TMTC1: variants seen among roughly 807,000 people sequenced by gnomAD.
TMTC1 encodes transmembrane O-mannosyltransferase targeting cadherins 1.
TMTC1 carries 73 observed loss-of-function variants against 104.8 expected under a neutral mutation model. The observed-to-expected ratio is 0.70, with a 90% CI of 0.58 to 0.85. The LOEUF is 0.85. Among genes scored for constraint, TMTC1 ranks in the 40% least tolerant of loss-of-function variants. The probability of loss-of-function intolerance (pLI) is 0.00; values close to 1 mark genes in which losing one functional copy is unlikely to be tolerated. For missense variants in TMTC1, 1,035 were observed against 1,096.1 expected (o/e 0.94, Z 0.79); for synonymous variants, 434 against 428.7 (o/e 1.01, Z -0.15).
chr12:29,522,798 T>C (rs549290201), intron 11 of TMTC1, among the ~76,000 whole-genome samples: 2 of 152,342 alleles, frequency 1.3e-5, no homozygotes, highest in East Asian at 3.9e-4. Flanking sequence ...CTGTGTGACC[T>C]TTCTTACCCA....
chr12:29,531,071 C>A (rs192381779), intron 11 of TMTC1, among the ~76,000 whole-genome samples: 52 of 152,232 alleles, frequency 3.4e-4, no homozygotes, highest in African/African-American at 4.6e-4. Flanking sequence ...GGGGAGGGAG[C>A]TATAAATCTT....
At chr12:29,523,047 A>C (rs1944226749) in intron 11 of TMTC1, among the ~76,000 whole-genome samples, 1 of 152,208 alleles carries the variant, frequency 6.6e-6, no homozygotes, top group Non-Finnish European at 1.5e-5. Flanking sequence ...GCCCTGAATA[A>C]AAGCAGTATT....
At chr12:29,661,254 A>C (rs1940009253) in intron 5 of TMTC1, 4 of 603,500 alleles carry the variant, frequency 6.6e-6, no homozygotes, top group Non-Finnish European at 8.3e-6. Context: ...AGTCATTTTG[A>C]AAACAATACA....
intron 5 of TMTC1, among the ~76,000 whole-genome samples, chr12:29,727,790 G>GTTGTT (rs71752088): frequency 5.5e-5 from 6 of 108,248 alleles, no homozygotes; most frequent in East Asian, 2.7e-4. Context: ...GCAGTTTTTT[G>GTTGTT]TTTTGTTTTG....
chr12:29,631,175 T>C (rs367783693), intron 6 of TMTC1, among the ~76,000 whole-genome samples: 1 of 152,232 alleles, frequency 6.6e-6, no homozygotes, highest in East Asian at 1.9e-4. Flanking sequence ...ATTTATGTTT[T>C]ACAAATATTT....
intron 5 of TMTC1, among the ~76,000 whole-genome samples, chr12:29,710,583 A>G (rs1385657230): frequency 2.1e-5 from 3 of 143,458 alleles, no homozygotes; most frequent in Non-Finnish European, 4.5e-5. Flanking sequence ...ATGTATATAT[A>G]TTTATATTTA....
At chr12:29,571,725 T>C (rs1945684300) in intron 9 of TMTC1, among the ~76,000 whole-genome samples, 1 of 152,138 alleles carries the variant, frequency 6.6e-6, no homozygotes, top group Non-Finnish European at 1.5e-5. Context: ...GTTTCAGGCA[T>C]GGGATGTCTA....
rs573314425 is a variant in TMTC1 at position 29,672,962 on chromosome 12, C to T, written c.939-39626G>A. Among the ~76,000 whole-genome samples, 8 of 152,336 alleles carry T rather than the reference C, an allele frequency of 5.3e-5. 1 individual carries two copies. In the East Asian group the frequency reaches 1.5e-3, roughly 29 times the overall value. ...GAACAGCTGACTTTTCTGGCCCCCA[C>T]CCCTAATGCCCTTTCAATTTAAGAT... is the stretch of plus-strand genomic sequence containing the variant. On this transcript the variant is annotated intron_variant, in intron 5 of 17. Transcript: ENST00000539277.
intron 5 of TMTC1, among the ~76,000 whole-genome samples, chr12:29,649,628 A>G (rs1422866634): frequency 6.6e-6 from 1 of 152,252 alleles, no homozygotes; most frequent in Admixed American, 6.5e-5. Flanking sequence ...AGTTAACCAG[A>G]TATTTCACAG....
intron 10 of TMTC1, among the ~76,000 whole-genome samples, chr12:29,538,224 C>A (rs1450492087): frequency 6.6e-6 from 1 of 152,162 alleles, no homozygotes; most frequent in Admixed American, 6.5e-5. Flanking sequence ...TTAAAGAGTA[C>A]CCACAAGACT....
At chr12:29,733,221 G>A (rs1450434283) in intron 5 of TMTC1, among the ~76,000 whole-genome samples, 2 of 152,144 alleles carry the variant, frequency 1.3e-5, no homozygotes, top group Non-Finnish European at 2.9e-5. Flanking sequence ...TTGCCCATAA[G>A]GAAACTGAGG....
rs754594149 is a variant in TMTC1, at chr12:29,604,236, T to C, written c.1192A>G (p.Ser398Gly). Residue 398 changes from serine to glycine, a missense_variant, in exon 7 of 18, where the codon AGC (serine) becomes GGC (glycine). Ser to Gly is a moderately conservative substitution (Grantham distance 56, BLOSUM62 0). Transcript: ENST00000539277. Reference protein sequence around the residue: ...LFLVFPFIPASNLFFRVGFVV... With the variant: ...LFLVFPFIPAGNLFFRVGFVV... ...AAACCCACCCTGAAGAAGAGGTTGC[T>C]GGCTGGAATGAACGGGAACACCAGG... 7 of 1,613,826 alleles carry C rather than the reference T, an allele frequency of 4.3e-6. No homozygotes were observed. In the African/African-American group the frequency reaches 5.3e-5, roughly 12 times the overall value.
intron 5 of TMTC1, among the ~76,000 whole-genome samples, chr12:29,737,389 A>AT (rs1942707767): frequency 6.6e-6 from 1 of 152,196 alleles, no homozygotes; most frequent in African/African-American, 2.4e-5. Context: ...CTGGTGGCGC[A>AT]TGCCTGTAAT....
intron 5 of TMTC1, among the ~76,000 whole-genome samples, chr12:29,652,514 G>A (rs1939569751): frequency 6.6e-6 from 1 of 152,328 alleles, no homozygotes; most frequent in Middle Eastern, 3.4e-3. Flanking sequence ...GTAGTGCAAA[G>A]TGGCCTTCAG....
At chr12:29,675,615 CACACACACACACACA>C (rs1565760062) in intron 5 of TMTC1, among the ~76,000 whole-genome samples, 94 of 82,546 alleles carry the variant, frequency 1.1e-3, no homozygotes, top group African/African-American at 5.1e-3. Flanking sequence ...CACACACACA[CACACACACACACACA>C]CCCTCCATGA....
chr12:29,633,110 T>C (rs1352895329), intron 6 of TMTC1, 37 bp downstream of exon 6: 2 of 1,574,852 alleles, frequency 1.3e-6, no homozygotes, highest in Admixed American at 1.7e-5. Context: ...ATATCTGTCT[T>C]CAAATGCAGA....
chr12:29,646,901 A>C (rs1939291036), intron 5 of TMTC1, among the ~76,000 whole-genome samples: 1 of 152,156 alleles, frequency 6.6e-6, no homozygotes, highest in African/African-American at 2.4e-5. Context: ...ACCCAATCAG[A>C]ATTTCTGTCA....
At chr12:29,509,635 C>T (rs763460) in intron 17 of TMTC1, among the ~76,000 whole-genome samples, 27,725 of 152,162 alleles carry the variant, frequency 0.18, 2,665 homozygotes, top group East Asian at 0.34. Context: ...GAGCCATGTG[C>T]CTGTTTATAT....
At chr12:29,678,336 C>G (rs1333363269) in intron 5 of TMTC1, among the ~76,000 whole-genome samples, 2 of 152,168 alleles carry the variant, frequency 1.3e-5, no homozygotes, top group African/African-American at 2.4e-5. Context: ...GCTTTGCTTA[C>G]AGTTAGAGAT....
Sources: gnomAD v4.1 joint callset for allele counts (sites outside exome capture counted in the v4.1 genomes callset) on GRCh38, gnomAD v4.1.1 for gene constraint, MANE v1.5 for transcripts, NCBI Gene and HGNC (gene_info 2026-07-23, HGNC 2026-07-21) for gene names.